The following MED12L variants were observed in gnomAD, a reference collection of about 807,000 sequenced individuals.
MED12L encodes mediator complex subunit 12L.
A neutral mutation model predicts 281.3 loss-of-function variants in MED12L; 60 were observed. That is an observed-to-expected ratio of 0.21 (90% CI 0.17 to 0.26). The LOEUF (loss-of-function observed/expected upper bound fraction) is 0.26, where lower values mean the gene tolerates loss of function less well. MED12L is among the 10% of genes least tolerant of loss of function. The probability of loss-of-function intolerance (pLI) is 1.00; values close to 1 mark genes in which losing one functional copy is unlikely to be tolerated. For synonymous variants in MED12L, 974 were observed against 987.2 expected (o/e 0.99, Z 0.25); for missense variants, 2,146 against 2,680.9 (o/e 0.80, Z 4.41).
intron 39 of MED12L, among the ~76,000 whole-genome samples, chr3:151,404,720 T>A (rs1002645615): frequency 6.6e-6 from 1 of 152,232 alleles, no homozygotes; most frequent in South Asian, 2.1e-4. Flanking sequence ...TTTATAGATA[T>A]AACTTGTCTC....
At chr3:151,133,986 G>A (rs1414448574) in intron 5 of MED12L, among the ~76,000 whole-genome samples, 1 of 152,158 alleles carries the variant, frequency 6.6e-6, no homozygotes, top group Admixed American at 6.5e-5. Flanking sequence ...AATAACTACA[G>A]CATTTATTGC....
chr3:151,160,147 A>T, intron 8 of MED12L, 46 bp downstream of exon 8: 1 of 1,460,348 alleles, frequency 6.8e-7, no homozygotes, highest in Non-Finnish European at 9.1e-7. Context: ...TCAATGTGGG[A>T]AGTGATTGAG....
chr3:151,228,060 G>C (rs1049154320), intron 16 of MED12L, among the ~76,000 whole-genome samples: 6 of 152,218 alleles, frequency 3.9e-5, no homozygotes, highest in African/African-American at 1.4e-4. Flanking sequence ...GTTGGGGTCA[G>C]ACCTTAACTG....
intron 38 of MED12L, among the ~76,000 whole-genome samples, chr3:151,392,659 A>G (rs1714425343): frequency 6.6e-6 from 1 of 152,104 alleles, no homozygotes; most frequent in Non-Finnish European, 1.5e-5. Flanking sequence ...CATCACTCAC[A>G]TACAAAAACA....
At chr3:151,375,959 A>G (rs1335032601) in intron 27 of MED12L, 67 bp from the exon 28 acceptor site, 26 of 762,614 alleles carry the variant, frequency 3.4e-5, no homozygotes. Context: ...CTGTGGATTT[A>G]GTACATATTG....
At chr3:151,244,285 A>G (rs1345426851) in intron 16 of MED12L, among the ~76,000 whole-genome samples, 1 of 128,456 alleles carries the variant, frequency 7.8e-6, no homozygotes, top group South Asian at 2.9e-4. Flanking sequence ...CATCTACAGA[A>G]CTCTCCACCC....
chr3:151,240,178 T>C (rs905204417), intron 16 of MED12L, among the ~76,000 whole-genome samples: 1 of 152,046 alleles, frequency 6.6e-6, no homozygotes, highest in African/African-American at 2.4e-5. Context: ...TGTAGATTAC[T>C]TAAGGTAGTA....
intron 39 of MED12L, among the ~76,000 whole-genome samples, chr3:151,398,121 T>A (rs1348930403): frequency 6.6e-6 from 1 of 152,214 alleles, no homozygotes; most frequent in Non-Finnish European, 1.5e-5. Context: ...GAACAGTTGC[T>A]TCCAGGAGCC....
chr3:151,160,189 C>G, intron 8 of MED12L, 88 bp downstream of exon 8: 1 of 1,253,932 alleles, frequency 8.0e-7, no homozygotes, highest in South Asian at 1.6e-5. Context: ...CTCTAGTTGA[C>G]TTTTTACAAC....
At chr3:151,358,589 A>G (rs1433889556) in intron 20 of MED12L, among the ~76,000 whole-genome samples, 1 of 148,900 alleles carries the variant, frequency 6.7e-6, no homozygotes, top group Non-Finnish European at 1.5e-5. Flanking sequence ...TTTGTTTTTA[A>G]TATTGTTATT....
rs1720011469 is a variant in MED12L, at chr3:151,435,250, C to T, written c.*2446C>T. 1 of 39,652 alleles carries T rather than the reference C, an allele frequency of 2.5e-5. No homozygotes were observed. The highest frequency in any genetic ancestry group is 4.9e-5 in the Non-Finnish European group (1 of 20,458). The allele number at this position is 39,652 out of a possible 1,614,324, so 2.5% of individuals were successfully genotyped here. ...TGAAATCAAATGGAGTCAGCTATAC[C>T]TATCAATCAATCACAGTTCTTGGAT... On this transcript the variant is annotated 3_prime_UTR_variant, in exon 45 of 45. Coordinates refer to ENST00000687756, the MANE Select transcript of MED12L (RefSeq NM_001393769.1).
At chr3:151,255,193 A>G (rs966269578) in intron 16 of MED12L, among the ~76,000 whole-genome samples, 3 of 152,154 alleles carry the variant, frequency 2.0e-5, no homozygotes, top group Non-Finnish European at 4.4e-5. Context: ...AGAAGGAGCA[A>G]TCTGAGGATA....
chr3:151,426,820 CTTTTT>C lies in MED12L; in HGVS notation c.6409-3468_6409-3464del, dbSNP rs34363787. On this transcript the variant is annotated intron_variant, in intron 43 of 44. Transcript: ENST00000687756. The stretch of plus-strand genomic sequence containing the variant: ...GTTATATGAGAATGACATGGTTTTA[CTTTTT>C]TTTTTTTTTTGAGACAGGGTCTTAC... Among the ~76,000 whole-genome samples, 299 of 142,592 alleles carry C rather than the reference CTTTTT, an allele frequency of 2.1e-3. 16 individuals carry two copies. The East Asian group carries it at 0.052, about 25-fold the overall frequency. The allele number at this position is 142,592 out of a possible 152,430, so 93.5% of individuals were successfully genotyped here.
rs370522377 is a variant in MED12L at position 151,193,499 on chromosome 3, C to G, written c.2083C>G (p.Pro695Ala). The G allele has an allele frequency of 3.2e-5, 51 of 1,610,770 alleles. No homozygotes were observed. Among genetic ancestry groups the G allele is most frequent in the Non-Finnish European group, 4.2e-5 (50 of 1,178,604 alleles). ...GTTTTACATGACTTAGATTTTTTCT[C>G]CTATGCCTGGAGAATCCTGTGAGAA... is the stretch of plus-strand genomic sequence containing the variant. ...DFGSEFPIFS[P>A]MPGESCENAN... Residue 695 changes from proline (P) to alanine (A), a missense_variant, in exon 16 of 45, where the codon CCT (proline) becomes GCT (alanine). Pro to Ala is a conservative substitution (Grantham distance 27, BLOSUM62 -1). Around this residue, in one of 9 missense-constraint regions of MED12L, gnomAD observed 722 missense variants for 861.2 expected, o/e 0.84. Transcript: ENST00000687756.
chr3:151,306,836 A>G (rs574447026), intron 16 of MED12L, among the ~76,000 whole-genome samples: 1 of 152,328 alleles, frequency 6.6e-6, no homozygotes, highest in African/African-American at 2.4e-5. Context: ...GCAGTTGCTC[A>G]TGATTAATTT....
At chr3:151,094,483 T>G (rs893826267) in intron 2 of MED12L, among the ~76,000 whole-genome samples, 1 of 152,198 alleles carries the variant, frequency 6.6e-6, no homozygotes, top group Non-Finnish European at 1.5e-5. Flanking sequence ...CGCTCTTACC[T>G]CCTACGTATT....
At chr3:151,173,121 A>C (rs1193918788) in intron 11 of MED12L, among the ~76,000 whole-genome samples, 1 of 151,124 alleles carries the variant, frequency 6.6e-6, no homozygotes, top group African/African-American at 2.4e-5. Flanking sequence ...TTAGACAACG[A>C]GCCCTGTTTT....
At chr3:151,270,071 A>T (rs1415180263) in intron 16 of MED12L, 1 of 227,612 alleles carries the variant, frequency 4.4e-6, no homozygotes, top group Non-Finnish European at 8.6e-6. Flanking sequence ...AAGGATGAAG[A>T]TGAAGAAGAT....
chr3:151,315,313 A>G (rs1183821592), intron 16 of MED12L, among the ~76,000 whole-genome samples: 1 of 152,242 alleles, frequency 6.6e-6, no homozygotes, highest in Admixed American at 6.5e-5. Context: ...CACAAACAGC[A>G]CAACTCTAAA....
Sources: allele counts gnomAD v4.1 joint callset (sites outside exome capture counted in the v4.1 genomes callset), GRCh38; gene constraint gnomAD v4.1.1; regional missense constraint gnomAD v4.1.1; transcripts MANE v1.5; gene names NCBI Gene and HGNC (gene_info 2026-07-23, HGNC 2026-07-21).